DACH1: variants seen among roughly 807,000 people sequenced by gnomAD.
DACH1 encodes dachshund family transcription factor 1.
In DACH1, 12 loss-of-function variants were observed where a neutral mutation model predicts 54.2. The observed-to-expected ratio is 0.22, with a 90% CI of 0.14 to 0.36. The LOEUF (loss-of-function observed/expected upper bound fraction) is 0.36, where lower values mean the gene tolerates loss of function less well. Among genes scored for constraint, DACH1 ranks in the 10% least tolerant of loss-of-function variants. The probability of loss-of-function intolerance (pLI) is 1.00; values close to 1 mark genes in which losing one functional copy is unlikely to be tolerated. For missense variants in DACH1, 805 were observed against 929.8 expected (o/e 0.87, Z 1.75); for synonymous variants, 386 against 366.2 (o/e 1.05, Z -0.62).
intron 1 of DACH1, among the ~76,000 whole-genome samples, chr13:71,851,912 T>G (rs1158959634): frequency 6.6e-6 from 1 of 152,182 alleles, no homozygotes; most frequent in African/African-American, 2.4e-5. Flanking sequence ...AAAGTTGATA[T>G]GTGGTTTAGT....
intron 3 of DACH1, among the ~76,000 whole-genome samples, chr13:71,628,565 G>A (rs552858288): frequency 8.6e-5 from 13 of 152,028 alleles, no homozygotes; most frequent in South Asian, 6.2e-4. Flanking sequence ...TCATTTTGGC[G>A]TTGGATGGGG....
chr13:71,830,454 C>T (rs1305963005), intron 1 of DACH1, among the ~76,000 whole-genome samples: 3 of 151,750 alleles, frequency 2.0e-5, no homozygotes, highest in Non-Finnish European at 4.4e-5. Context: ...CAGTTCCTGT[C>T]GTAGTGCTTT....
intron 7 of DACH1, among the ~76,000 whole-genome samples, chr13:71,487,565 A>G (rs889604088): frequency 6.6e-6 from 1 of 152,224 alleles, no homozygotes; most frequent in Non-Finnish European, 1.5e-5. Flanking sequence ...ATACAATTCA[A>G]GAGTCCATGT....
chr13:71,781,620 C>T (rs180921511), intron 1 of DACH1, among the ~76,000 whole-genome samples: 40 of 152,060 alleles, frequency 2.6e-4, no homozygotes, highest in South Asian at 2.1e-4. Context: ...CCTCGTGATC[C>T]GCCCGCCTCG....
intron 6 of DACH1, among the ~76,000 whole-genome samples, chr13:71,525,094 T>A (rs1457700917): frequency 6.6e-6 from 1 of 152,152 alleles, no homozygotes; most frequent in Non-Finnish European, 1.5e-5. Context: ...TTGGCTCTCC[T>A]TTGAAATAAT....
intron 2 of DACH1, among the ~76,000 whole-genome samples, chr13:71,639,021 T>C (rs1877702398): frequency 6.6e-6 from 1 of 152,162 alleles, no homozygotes; most frequent in African/African-American, 2.4e-5. Context: ...GAAGGTGCAT[T>C]GTAAGCTCCA....
rs79297079 is a variant in DACH1 at position 71,786,289 on chromosome 13, G to T, written c.848+79633C>A. ...AAACATGCCTTGTGTATTATAGATC[G>T]ATATAGCTTCTATATTTAAGACAGT... On this transcript the variant is annotated intron_variant, in intron 1 of 10. Coordinates refer to ENST00000613252, the MANE Select transcript of DACH1 (RefSeq NM_080759.6). Among the ~76,000 whole-genome samples the T allele has an allele frequency of 3.1e-4, 47 of 152,214 alleles. 1 individual carries two copies. The East Asian group carries it at 9.1e-3, about 29-fold the overall frequency.
chr13:71,813,791 C>T (rs1334194903), intron 1 of DACH1, among the ~76,000 whole-genome samples: 2 of 151,818 alleles, frequency 1.3e-5, no homozygotes, highest in East Asian at 3.9e-4. Context: ...AAGTAACATG[C>T]AAAATCATAA....
chr13:71,606,816 C>A (rs940871835), intron 3 of DACH1, among the ~76,000 whole-genome samples: 1 of 151,972 alleles, frequency 6.6e-6, no homozygotes, highest in African/African-American at 2.4e-5. Context: ...ATGAATTATT[C>A]TCTAGTGAAA....
At chr13:71,528,306 C>A (rs1380349216) in intron 6 of DACH1, among the ~76,000 whole-genome samples, 1 of 151,588 alleles carries the variant, frequency 6.6e-6, no homozygotes, top group Non-Finnish European at 1.5e-5. Flanking sequence ...GTTTAGAATT[C>A]AAATCAATAC....
chr13:71,606,033 A>G (rs917185566), intron 3 of DACH1, among the ~76,000 whole-genome samples: 1 of 152,192 alleles, frequency 6.6e-6, no homozygotes, highest in South Asian at 2.1e-4. Context: ...GTGATCAACA[A>G]TGGTGTTTCA....
At chr13:71,464,589 A>G (rs933065212) in intron 10 of DACH1, 120 of 442,710 alleles carry the variant, frequency 2.7e-4, no homozygotes, top group Admixed American at 1.8e-4. Context: ...ATTAATTAAT[A>G]CATGCAAATT....
intron 1 of DACH1, among the ~76,000 whole-genome samples, chr13:71,709,888 A>C (rs376857406): frequency 6.6e-6 from 1 of 152,156 alleles, no homozygotes; most frequent in East Asian, 1.9e-4. Context: ...CTCAAAGAGC[A>C]AAGTGCAGTG....
At chr13:71,663,347 T>C (rs2138657705) in intron 2 of DACH1, among the ~76,000 whole-genome samples, 1 of 152,124 alleles carries the variant, frequency 6.6e-6, no homozygotes, top group Admixed American at 6.6e-5. Context: ...TTTGTCATTT[T>C]AAATGTTTTA....
intron 1 of DACH1, among the ~76,000 whole-genome samples, chr13:71,828,005 G>A (rs1031326596): frequency 6.6e-6 from 1 of 151,886 alleles, no homozygotes. Context: ...TCTTCTGATA[G>A]CTTTTGATTA....
chr13:71,566,558 G>C (rs761872552), intron 4 of DACH1, among the ~76,000 whole-genome samples: 25 of 152,032 alleles, frequency 1.6e-4, no homozygotes, highest in Non-Finnish European at 7.4e-5. Flanking sequence ...TTATCTTTAA[G>C]CCTTTATTGT....
At chr13:71,717,305 C>T (rs950542939) in intron 1 of DACH1, among the ~76,000 whole-genome samples, 1 of 152,222 alleles carries the variant, frequency 6.6e-6, no homozygotes, top group African/African-American at 2.4e-5. Context: ...CCTAATTGTA[C>T]TTTCACTTTA....
chr13:71,685,642 G>A (rs1219271326), intron 1 of DACH1, among the ~76,000 whole-genome samples: 2 of 152,002 alleles, frequency 1.3e-5, no homozygotes, highest in Non-Finnish European at 2.9e-5. Flanking sequence ...ATGCAATCCT[G>A]GTCATTAACT....
chr13:71,751,497 T>C (rs1241427994), intron 1 of DACH1, among the ~76,000 whole-genome samples: 1 of 152,196 alleles, frequency 6.6e-6, no homozygotes, highest in Non-Finnish European at 1.5e-5. Context: ...TAATTGAAGA[T>C]ATTGTTGATC....
Sources: allele counts gnomAD v4.1 joint callset (sites outside exome capture counted in the v4.1 genomes callset), GRCh38; gene constraint gnomAD v4.1.1; transcripts MANE v1.5; gene names NCBI Gene and HGNC (gene_info 2026-07-23, HGNC 2026-07-21).